SNRPD3: variants seen among roughly 807,000 people sequenced by gnomAD.
SNRPD3 encodes small nuclear ribonucleoprotein D3 polypeptide.
For missense variants in SNRPD3, 73 were observed against 167.5 expected (o/e 0.44, Z 3.11); for synonymous variants, 66 against 58.4 (o/e 1.13, Z -0.59).
chr22:24,559,992 T>C (rs1484581489), intron 2 of SNRPD3, among the ~76,000 whole-genome samples: 1 of 152,020 alleles, frequency 6.6e-6, no homozygotes, highest in African/African-American at 2.4e-5. Flanking sequence ...CTTCCCTCTG[T>C]AGTGTTTCTG....
chr22:24,560,715 CTTTTTTT>C (rs59348518), intron 2 of SNRPD3, among the ~76,000 whole-genome samples: 56,142 of 98,522 alleles, frequency 0.57, 21,089 homozygotes, highest in East Asian at 0.77. Flanking sequence ...TGCACCTGGC[CTTTTTTT>C]TTTTTTTTTT....
At chr22:24,559,085 C>T (rs917638925) in intron 2 of SNRPD3, among the ~76,000 whole-genome samples, 1 of 152,142 alleles carries the variant, frequency 6.6e-6, no homozygotes, top group African/African-American at 2.4e-5. Context: ...ACATATGATA[C>T]CTATTGCTTT....
At chr22:24,562,349 G>C (rs1160294907) in intron 2 of SNRPD3, among the ~76,000 whole-genome samples, 11 of 152,092 alleles carry the variant, frequency 7.2e-5, no homozygotes, top group Non-Finnish European at 1.2e-4. Context: ...AGACCAGCCT[G>C]GCTAACACGG....
At chr22:24,569,453 G>A (rs545774946) in intron 3 of SNRPD3, among the ~76,000 whole-genome samples, 1 of 152,290 alleles carries the variant, frequency 6.6e-6, no homozygotes, top group African/African-American at 2.4e-5. Flanking sequence ...TTTTATATGT[G>A]TGTGAGGAAA....
chr22:24,555,819 C>A (rs1197486114), upstream of SNRPD3: 2 of 1,546,282 alleles, frequency 1.3e-6, no homozygotes, highest in South Asian at 1.2e-5. Flanking sequence ...CCCCCGGGCC[C>A]AGTCATCAGC....
chr22:24,557,637 T>C lies in SNRPD3; in HGVS notation c.-18-20T>C. On this transcript the variant is annotated intron_variant, in intron 1 of 3. Transcript: ENST00000215829. ...TTCAGACTCTGAAAGATGAACTGAC[T>C]GTTGTCTCTCTCATTGTAGAACTCT... The C allele has an allele frequency of 6.3e-7, 1 of 1,596,266 alleles. No individual in the cohort carries two copies.
intron 3 of SNRPD3, among the ~76,000 whole-genome samples, chr22:24,569,347 T>C (rs1305002944): frequency 6.6e-6 from 1 of 152,238 alleles, no homozygotes; most frequent in African/African-American, 2.4e-5. Context: ...AACAAAGTAA[T>C]TGTGGCCCTT....
intron 2 of SNRPD3, among the ~76,000 whole-genome samples, chr22:24,560,504 G>A (rs5760474): frequency 0.74 from 99,542 of 134,684 alleles, 38,321 homozygotes; most frequent in East Asian, 0.86. Context: ...GAGTGCAGTG[G>A]CATGATCTCA....
At chr22:24,571,844 C>A in intron 3 of SNRPD3, 72 bp from the exon 4 acceptor site, 1 of 1,501,652 alleles carries the variant, frequency 6.7e-7, no homozygotes, top group Non-Finnish European at 9.3e-7. Flanking sequence ...TGTCCTAGGG[C>A]CCTGGCTACT....
upstream of SNRPD3, chr22:24,555,814 G>C (rs1235261857): frequency 3.2e-6 from 5 of 1,547,238 alleles, no homozygotes; most frequent in East Asian, 1.2e-4. Flanking sequence ...GGCGGCCCCC[G>C]GGCCCAGTCA....
chr22:24,557,408 T>C (rs555855630), intron 1 of SNRPD3, among the ~76,000 whole-genome samples: 1 of 152,236 alleles, frequency 6.6e-6, no homozygotes, highest in East Asian at 1.9e-4. Flanking sequence ...TGGGAGATGC[T>C]CTCTTTTCAT....
chr22:24,555,669 C>T (rs2045042654), upstream of SNRPD3: 18 of 1,550,668 alleles, frequency 1.2e-5, no homozygotes, highest in South Asian at 1.5e-4. Flanking sequence ...TGGCCCTTGG[C>T]CCAACCTCCT....
At chr22:24,566,432 A>G (rs1285116818) in intron 2 of SNRPD3, among the ~76,000 whole-genome samples, 2 of 151,834 alleles carry the variant, frequency 1.3e-5, no homozygotes, top group African/African-American at 4.8e-5. Context: ...CACCACACCC[A>G]GCTAATTTTT....
chr22:24,572,045 T>A lies in SNRPD3; in HGVS notation c.*68T>A. 6.2e-7 allele frequency: 1 copy of A among 1,602,406 alleles called. No homozygotes were observed. Among genetic ancestry groups the A allele is most frequent in the Non-Finnish European group, 8.5e-7 (1 of 1,173,992 alleles). On this transcript the variant is annotated 3_prime_UTR_variant, in exon 4 of 4. Coordinates refer to ENST00000215829, the MANE Select transcript of SNRPD3 (RefSeq NM_004175.5). ...TATCTGAGTTCATTGGAGTGGGTGC[T>A]TGTGCATATATGCTAGGTATCTTTT...
intron 1 of SNRPD3, among the ~76,000 whole-genome samples, chr22:24,556,342 A>G (rs2045063312): frequency 6.7e-6 from 1 of 149,106 alleles, no homozygotes; most frequent in African/African-American, 2.5e-5. Context: ...CTGATTGACT[A>G]TCTCCTTCCC....
At chr22:24,568,309 C>A in intron 3 of SNRPD3, 133 bp downstream of exon 3, 1 of 626,324 alleles carries the variant, frequency 1.6e-6, no homozygotes, top group East Asian at 2.9e-5. Context: ...ACTGCCACCC[C>A]TTCCCCTTGC....
At chr22:24,560,909 T>C (rs575636415) in intron 2 of SNRPD3, among the ~76,000 whole-genome samples, 3 of 151,128 alleles carry the variant, frequency 2.0e-5, no homozygotes, top group East Asian at 3.9e-4. Context: ...TTAATATTTT[T>C]TGTATTTTTA....
At chr22:24,561,999 T>TCA (rs1055358293) in intron 2 of SNRPD3, among the ~76,000 whole-genome samples, 1 of 151,822 alleles carries the variant, frequency 6.6e-6, no homozygotes, top group Admixed American at 6.6e-5. Flanking sequence ...AGACCTAGTC[T>TCA]CACACACACA....
intron 2 of SNRPD3, among the ~76,000 whole-genome samples, chr22:24,567,462 C>T (rs2045206748): frequency 6.6e-6 from 1 of 152,008 alleles, no homozygotes; most frequent in African/African-American, 2.4e-5. Context: ...GATGGGAGCA[C>T]TCGGCTGGGC....
Sources: allele counts gnomAD v4.1 joint callset (sites outside exome capture counted in the v4.1 genomes callset), GRCh38; gene constraint gnomAD v4.1.1; transcripts MANE v1.5; gene names NCBI Gene and HGNC (gene_info 2026-07-23, HGNC 2026-07-21).